The following TUBA1C variants were observed in gnomAD, a reference collection of about 807,000 sequenced individuals.
TUBA1C encodes tubulin alpha-1C chain.
In TUBA1C, 16 loss-of-function variants were observed where a neutral mutation model predicts 34.9. The observed-to-expected ratio is 0.46, with a 90% CI of 0.31 to 0.70. TUBA1C has a LOEUF of 0.70. Among genes scored for constraint, TUBA1C ranks in the 30% least tolerant of loss-of-function variants. The pLI is 0.05. For missense variants in TUBA1C, 329 were observed against 587.3 expected (o/e 0.56, Z 4.55); for synonymous variants, 177 against 215.9 (o/e 0.82, Z 1.58).
chr12:49,234,489 G>C (rs1942528737), intron 1 of TUBA1C, among the ~76,000 whole-genome samples: 1 of 152,260 alleles, frequency 6.6e-6, no homozygotes, highest in Non-Finnish European at 1.5e-5. Context: ...CCATGACTTT[G>C]CTTCCTTGGT....
At chr12:49,262,954 A>G (rs1942855608), upstream of TUBA1C, among the ~76,000 whole-genome samples, 1 of 152,066 alleles carries the variant, frequency 6.6e-6, no homozygotes, top group South Asian at 2.1e-4. Flanking sequence ...AAAAAATTCC[A>G]GCAGAGGGCA....
Position 49,274,103 on chromosome 12 carries a change from G to A in TUBA1C, c.*876G>A, listed in dbSNP as rs933340972. On this transcript the variant is annotated 3_prime_UTR_variant, in exon 4 of 4. Transcript: ENST00000301072. ...GCAGGTTCTAATTCTATAGGCTTGA[G>A]GTGAGGCTTCAGACACGTCTTAAAT... 6.6e-6 allele frequency: 1 copy of A among 152,024 alleles called. No individual in the cohort carries two copies. Among genetic ancestry groups the A allele is most frequent in the East Asian group, 1.9e-4 (1 of 5,182 alleles). The allele number at this position is 152,024 out of a possible 1,614,324, so 9.4% of individuals were successfully genotyped here.
intron 1 of TUBA1C, among the ~76,000 whole-genome samples, chr12:49,267,653 T>C (rs1014604157): frequency 2.6e-5 from 4 of 152,110 alleles, no homozygotes; most frequent in Admixed American, 2.6e-4. Context: ...AAGGTAAACA[T>C]GATGCAATGG....
chr12:49,262,291 C>T (rs183436994), upstream of TUBA1C, among the ~76,000 whole-genome samples: 2 of 150,836 alleles, frequency 1.3e-5, no homozygotes, highest in East Asian at 3.9e-4. Context: ...GTAGCACACA[C>T]CTGTAGTCCC....
chr12:49,238,465 G>A (rs759048588), intron 1 of TUBA1C, among the ~76,000 whole-genome samples: 20 of 152,042 alleles, frequency 1.3e-4, no homozygotes, highest in Non-Finnish European at 2.4e-4. Flanking sequence ...CGGATCCCAC[G>A]AGGACTGAGT....
chr12:49,261,063 T>G (rs907652046), upstream of TUBA1C, among the ~76,000 whole-genome samples: 8 of 152,110 alleles, frequency 5.3e-5, no homozygotes, highest in African/African-American at 1.7e-4. Context: ...AAATGCTTAT[T>G]GTAGGCTGGG....
At chr12:49,271,007 A>C (rs1942985457) in intron 3 of TUBA1C, among the ~76,000 whole-genome samples, 1 of 152,028 alleles carries the variant, frequency 6.6e-6, no homozygotes, top group Non-Finnish European at 1.5e-5. Flanking sequence ...AAAAAACCCT[A>C]AGCTTTAGTT....
chr12:49,271,408 AT>A (rs1364041894), intron 3 of TUBA1C, among the ~76,000 whole-genome samples: 1 of 152,192 alleles, frequency 6.6e-6, no homozygotes, highest in Non-Finnish European at 1.5e-5. Context: ...GTCTCATGGA[AT>A]TGTGGTTGTG....
At chr12:49,231,739 G>C (rs1267806609) in intron 1 of TUBA1C, among the ~76,000 whole-genome samples, 1 of 152,008 alleles carries the variant, frequency 6.6e-6, no homozygotes, top group African/African-American at 2.4e-5. Flanking sequence ...TAGATAGATG[G>C]AGTCTCGCTA....
upstream of TUBA1C, among the ~76,000 whole-genome samples, chr12:49,262,831 A>C (rs901067635): frequency 2.0e-5 from 3 of 152,052 alleles, no homozygotes; most frequent in Non-Finnish European, 4.4e-5. Flanking sequence ...GAAACTGTCA[A>C]CTGAAAAGTA....
In TUBA1C at chr12:49,273,200, CG is replaced by C; in HGVS notation, c.1325del (p.Gly442GlufsTer44). 5.0e-6 allele frequency: 8 copies of C among 1,614,180 alleles called. No individual in the cohort carries two copies. The highest frequency in any genetic ancestry group is 6.8e-6 in the Non-Finnish European group (8 of 1,180,038). On this transcript the variant is annotated frameshift_variant, in exon 4 of 4. Transcript: ENST00000301072. LOFTEE classifies it high-confidence loss of function. ...YEEVGADSAD[G>X]EDEGEEY ...AGGAGGTTGGAGCAGATAGTGCTGA[CG>C]GAGAGGATGAGGGTGAAGAGTATTA... is the stretch of plus-strand genomic sequence containing the variant.
At chr12:49,229,932 C>T (rs751404112) in intron 1 of TUBA1C, among the ~76,000 whole-genome samples, 18 of 152,048 alleles carry the variant, frequency 1.2e-4, no homozygotes, top group Non-Finnish European at 2.1e-4. Flanking sequence ...GGACTATAGG[C>T]GTGTACCACC....
intron 1 of TUBA1C, among the ~76,000 whole-genome samples, chr12:49,245,894 C>A (rs1017339977): frequency 6.6e-6 from 1 of 152,168 alleles, no homozygotes; most frequent in Non-Finnish European, 1.5e-5. Flanking sequence ...CCTAAGATTG[C>A]CACATACTTC....
intron 1 of TUBA1C, among the ~76,000 whole-genome samples, chr12:49,247,934 C>T (rs559481025): frequency 8.3e-6 from 1 of 120,008 alleles, no homozygotes; most frequent in Non-Finnish European, 1.7e-5. Context: ...GGCGATAGAA[C>T]GAGATTCCGT....
chr12:49,253,597 C>CT (rs1942752431), intron 1 of TUBA1C, among the ~76,000 whole-genome samples: 1 of 152,060 alleles, frequency 6.6e-6, no homozygotes, highest in African/African-American at 2.4e-5. Context: ...TGCAGTGGCA[C>CT]CAACATGGCT....
intron 1 of TUBA1C, among the ~76,000 whole-genome samples, chr12:49,252,357 C>G (rs1248847560): frequency 6.6e-6 from 1 of 152,162 alleles, no homozygotes; most frequent in Non-Finnish European, 1.5e-5. Flanking sequence ...GTTAATAAAA[C>G]TTGATGTTTA....
chr12:49,267,505 G>A (rs780573174), intron 1 of TUBA1C, among the ~76,000 whole-genome samples: 2 of 152,080 alleles, frequency 1.3e-5, no homozygotes, highest in African/African-American at 2.4e-5. Flanking sequence ...CTAAAAATAC[G>A]AAAATAAGGC....
At chr12:49,231,688 A>G (rs1942498719) in intron 1 of TUBA1C, among the ~76,000 whole-genome samples, 1 of 151,934 alleles carries the variant, frequency 6.6e-6, no homozygotes, top group South Asian at 2.1e-4. Context: ...TAGATGATAG[A>G]TAGATAGATA....
chr12:49,259,881 G>C (rs1429858893), intron 1 of TUBA1C, among the ~76,000 whole-genome samples: 1 of 152,166 alleles, frequency 6.6e-6, no homozygotes, highest in Non-Finnish European at 1.5e-5. Flanking sequence ...GGCAGGTGGA[G>C]ATGCAGAAAA....
Sources: allele counts gnomAD v4.1 joint callset (sites outside exome capture counted in the v4.1 genomes callset), GRCh38; gene constraint gnomAD v4.1.1; transcripts MANE v1.5; gene names NCBI Gene and HGNC (gene_info 2026-07-23, HGNC 2026-07-21).